The following ALG13 variants were observed in gnomAD, a reference collection of about 807,000 sequenced individuals.
ALG13 encodes UDP-N-acetylglucosamine transferase subunit ALG13.
In ALG13, 11 loss-of-function variants were observed where a neutral mutation model predicts 87.8. The observed-to-expected ratio is 0.13, with a 90% CI of 0.08 to 0.21. The LOEUF (loss-of-function observed/expected upper bound fraction) is 0.21. ALG13 is among the 10% of genes least tolerant of loss of function. The probability of loss-of-function intolerance (pLI) is 1.00; values close to 1 mark genes in which losing one functional copy is unlikely to be tolerated. For synonymous variants in ALG13, 320 were observed against 306.3 expected, an observed-to-expected ratio of 1.04 and a Z score of -0.47; for missense variants, 756 against 866.1, an observed-to-expected ratio of 0.87 and a Z score of 1.60.
At chrX:111,749,168 T>C (rs1326272782) in intron 24 of ALG13, among the ~76,000 whole-genome samples, 3 of 112,042 alleles carry the variant, frequency 2.7e-5, no homozygotes, top group Non-Finnish European at 5.6e-5. Flanking sequence ...TCCTATGTTT[T>C]CCTTTAAAAG....
intron 19 of ALG13, among the ~76,000 whole-genome samples, chrX:111,728,617 A>G (rs1942328743): frequency 9.0e-6 from 1 of 111,390 alleles, no homozygotes; most frequent in Non-Finnish European, 1.9e-5. Context: ...TTAGTAGGGC[A>G]CTATTGATAG....
At chrX:111,716,401 G>A (rs1404293977) in intron 8 of ALG13, among the ~76,000 whole-genome samples, 3 of 111,796 alleles carry the variant, frequency 2.7e-5, no homozygotes, top group Non-Finnish European at 5.6e-5. Context: ...CTTTCTATAA[G>A]AACTGCTTAT....
At chrX:111,690,955 G>C (rs1366712281) in intron 3 of ALG13, among the ~76,000 whole-genome samples, 1 of 111,388 alleles carries the variant, frequency 9.0e-6, no homozygotes, top group Non-Finnish European at 1.9e-5. Context: ...AATTTGTGGA[G>C]ATGACCAAAA....
intron 3 of ALG13, among the ~76,000 whole-genome samples, chrX:111,694,469 ATAATG>A (rs1342229788): frequency 8.9e-6 from 1 of 112,671 alleles, no homozygotes; most frequent in Non-Finnish European, 1.9e-5. Context: ...TCTGTAACCC[ATAATG>A]TCATATAGTG....
intron 3 of ALG13, among the ~76,000 whole-genome samples, chrX:111,698,892 A>G (rs930315526): frequency 1.8e-5 from 2 of 111,638 alleles, no homozygotes; most frequent in African/African-American, 6.5e-5. Context: ...TAGAATTACT[A>G]GATCATATGG....
At chrX:111,758,569 A>C (rs1352542950) in intron 26 of ALG13, among the ~76,000 whole-genome samples, 1 of 112,419 alleles carries the variant, frequency 8.9e-6, no homozygotes, top group African/African-American at 3.2e-5. Context: ...AAATGTGTCA[A>C]CATTTGGAAG....
In ALG13 at chrX:111,755,503, G is replaced by A. The variant is rs187468749; in HGVS notation, c.2974-2085G>A. 4.5e-5 allele frequency among the ~76,000 whole-genome samples: 5 copies of A among 112,294 alleles called. No individual in the cohort carries two copies. In the East Asian group the frequency reaches 1.4e-3, roughly 31 times the overall value. ...TATCAGTGTGAACAGGCAACCTACAGAATGGGAGAAAAGTTTTGCAATCTA... is the reference window on the plus strand; with the variant it reads ...TATCAGTGTGAACAGGCAACCTACAAAATGGGAGAAAAGTTTTGCAATCTA... On this transcript the variant is annotated intron_variant, in intron 25 of 26. Transcript: ENST00000394780.
At chrX:111,681,793 C>G (rs1250520929) in intron 1 of ALG13, 2 of 836,456 alleles carry the variant, frequency 2.4e-6, no homozygotes, top group East Asian at 1.6e-4. Context: ...CGCGCGTCGT[C>G]CCCTCAGGGC....
In ALG13 at chrX:111,735,052, C is replaced by T. The variant is rs777963750; in HGVS notation, c.2459C>T (p.Ser820Phe). 4 of 1,148,096 alleles carry T rather than the reference C, an allele frequency of 3.5e-6. No individual in the cohort carries two copies. In the East Asian group the frequency reaches 1.2e-4, roughly 35 times the overall value. 94.6% of individuals were successfully genotyped at this position (1,148,096 alleles called of 1,213,427 possible). A position where few individuals can be genotyped will look rare whatever the true frequency, so the allele number is the denominator to read the frequency against. Residue 820 changes from serine to phenylalanine, a missense_variant and splice_region_variant, in exon 22 of 27, where the codon TCT becomes TTT. Physicochemically the swap from Ser to Phe is radical, Grantham distance 155. Transcript: ENST00000394780. ...TTTAACTATATTTTTGTATTAAAGT[C>T]TCTTCAGGACAGAAAGTCATGTTCT... is the stretch of plus-strand genomic sequence containing the variant. ...YSTTASTANLSLQDRKSCSMS... is the reference protein window; with the variant it reads ...YSTTASTANLFLQDRKSCSMS...
chrX:111,745,145 TG>T (rs1367590504), intron 24 of ALG13, among the ~76,000 whole-genome samples: 1 of 111,617 alleles, frequency 9.0e-6, no homozygotes, highest in African/African-American at 3.3e-5. Context: ...TGTTTTGTTT[TG>T]TTTTGGTAGC....
chrX:111,756,218 A>G (rs1945239809), intron 25 of ALG13, among the ~76,000 whole-genome samples: 1 of 111,522 alleles, frequency 9.0e-6, no homozygotes, highest in African/African-American at 3.3e-5. Flanking sequence ...CAGTGAGAAC[A>G]TACGGGCACA....
chrX:111,728,198 C>G lies in ALG13; in HGVS notation c.2261C>G (p.Pro754Arg), dbSNP rs1242753495. The change falls in exon 19 of 27, where the codon CCC becomes CGC. Residue 754 changes from proline (P) to arginine (R), a missense_variant. By Grantham distance (103) the Pro-to-Arg change is moderately radical. Transcript: ENST00000394780. ...AYPTLPNHGG[P>R]STMVPATSGY... The stretch of plus-strand genomic sequence containing the variant: ...TCTCTGATACAGAATCATGGAGGTC[C>G]CTCTACAATGGTTCCTGCTACTTCA... 8.3e-7 allele frequency: 1 copy of G among 1,209,257 alleles called. No homozygotes were observed. Among genetic ancestry groups the G allele is most frequent in the African/African-American group, 1.8e-5 (1 of 57,084 alleles).
intron 26 of ALG13, among the ~76,000 whole-genome samples, chrX:111,759,051 A>C (rs192025707): frequency 1.8e-5 from 2 of 110,347 alleles, no homozygotes; most frequent in Non-Finnish European, 3.8e-5. Context: ...AATTTTGTGC[A>C]GTATACCTTT....
intron 26 of ALG13, among the ~76,000 whole-genome samples, chrX:111,758,467 A>G (rs187595639): frequency 3.7e-3 from 413 of 112,486 alleles, no homozygotes; most frequent in Non-Finnish European, 5.5e-3. Context: ...GAAAACATGT[A>G]TCTTCCACCA....
Position 111,681,207 on chromosome X carries a change from G to A in ALG13, c.-12G>A. 8.3e-7 allele frequency: 1 copy of A among 1,211,060 alleles called. No homozygotes were observed. The highest frequency in any genetic ancestry group is 1.1e-6 in the Non-Finnish European group (1 of 894,511). On this transcript the variant is annotated 5_prime_UTR_variant, in exon 1 of 27. Coordinates refer to ENST00000394780, the MANE Select transcript of ALG13 (RefSeq NM_001099922.3). The stretch of plus-strand genomic sequence containing the variant: ...TCCGGCCCTTGCGATCAGGGCTTGA[G>A]GAACCCGCGCCATGAAGTGCGTGTT...
intron 23 of ALG13, among the ~76,000 whole-genome samples, chrX:111,739,157 C>T (rs745316542): frequency 2.7e-5 from 3 of 111,589 alleles, no homozygotes; most frequent in African/African-American, 9.8e-5. Context: ...GCAATCATGG[C>T]GGAAAGTGAA....
intron 13 of ALG13, 64 bp downstream of exon 13, chrX:111,722,921 T>G (rs1234497941): frequency 1.3e-6 from 1 of 779,072 alleles, no homozygotes; most frequent in Non-Finnish European, 1.9e-6. Context: ...TGATATGAGT[T>G]GAACAAGACT....
intron 10 of ALG13, among the ~76,000 whole-genome samples, chrX:111,719,304 C>T (rs914701636): frequency 9.0e-6 from 1 of 111,234 alleles, no homozygotes; most frequent in Admixed American, 9.5e-5. Flanking sequence ...GGATTACAGA[C>T]GTGAGCCACC....
intron 23 of ALG13, among the ~76,000 whole-genome samples, chrX:111,739,158 G>A (rs780145290): frequency 3.6e-5 from 4 of 111,815 alleles, no homozygotes; most frequent in Admixed American, 2.9e-4. Context: ...CAATCATGGC[G>A]GAAAGTGAAG....
Sources: allele counts gnomAD v4.1 joint callset (sites outside exome capture counted in the v4.1 genomes callset), GRCh38; gene constraint gnomAD v4.1.1; transcripts MANE v1.5; gene names NCBI Gene and HGNC (gene_info 2026-07-23, HGNC 2026-07-21).